Variants in PALLD observed in about 807,000 individuals in gnomAD.
The protein encoded by PALLD is palladin.
PALLD carries 61 observed loss-of-function variants against 123.5 expected under a neutral mutation model. The observed-to-expected ratio is 0.49, with a 90% confidence interval of 0.40 to 0.61. PALLD has a LOEUF of 0.61. PALLD is among the 20% of genes least tolerant of loss of function. The pLI is 0.00. For synonymous variants in PALLD, 465 were observed against 496.4 expected (o/e 0.94, Z 0.84); for missense variants, 1,273 against 1,377.0 (o/e 0.92, Z 1.20).
At chr4:168,624,415 T>C (rs535876659) in intron 2 of PALLD, among the ~76,000 whole-genome samples, 75 of 152,240 alleles carry the variant, frequency 4.9e-4, no homozygotes, top group Non-Finnish European at 7.5e-4. Flanking sequence ...CAAAAAAGCT[T>C]CTAAGAACAA....
intron 2 of PALLD, among the ~76,000 whole-genome samples, chr4:168,621,686 G>A (rs555931213): frequency 6.6e-6 from 1 of 152,164 alleles, no homozygotes; most frequent in Admixed American, 6.5e-5. Flanking sequence ...CGTAAGTGAT[G>A]AAAGGAATTT....
intron 10 of PALLD, among the ~76,000 whole-genome samples, chr4:168,865,624 C>T (rs1001693986): frequency 6.6e-6 from 1 of 152,066 alleles, no homozygotes; most frequent in Non-Finnish European, 1.5e-5. Context: ...TTTGAAAAGT[C>T]GTCTTTATAG....
intron 2 of PALLD, among the ~76,000 whole-genome samples, chr4:168,640,125 C>G (rs1475394953): frequency 1.3e-5 from 2 of 152,166 alleles, no homozygotes; most frequent in African/African-American, 4.8e-5. Context: ...GGCCAACTTT[C>G]ATGCTCGTGT....
intron 2 of PALLD, among the ~76,000 whole-genome samples, chr4:168,579,632 A>G (rs1770024606): frequency 6.6e-6 from 1 of 152,138 alleles, no homozygotes; most frequent in South Asian, 2.1e-4. Flanking sequence ...AATCATGTTT[A>G]TGCCCCTATT....
intron 10 of PALLD, among the ~76,000 whole-genome samples, chr4:168,735,288 C>A (rs963745624): frequency 6.6e-6 from 1 of 152,178 alleles, no homozygotes; most frequent in Non-Finnish European, 1.5e-5. Context: ...TTCTCGAGGT[C>A]CCGGCCCTCA....
At chr4:168,804,811 T>G (rs1739904463) in intron 10 of PALLD, among the ~76,000 whole-genome samples, 1 of 152,232 alleles carries the variant, frequency 6.6e-6, no homozygotes, top group Non-Finnish European at 1.5e-5. Context: ...AATGGGTAGA[T>G]GTATATTTTC....
At chr4:168,540,458 T>C (rs6852125) in intron 2 of PALLD, among the ~76,000 whole-genome samples, 87,602 of 151,914 alleles carry the variant, frequency 0.58, 25,601 homozygotes, top group East Asian at 0.69. Context: ...TTAGGGTTCA[T>C]GCTAATTATG....
chr4:168,607,565 G>A (rs939377912), intron 2 of PALLD, among the ~76,000 whole-genome samples: 9 of 152,170 alleles, frequency 5.9e-5, no homozygotes, highest in African/African-American at 1.9e-4. Flanking sequence ...GCCAGACACT[G>A]TTCTGAGTGC....
intron 10 of PALLD, among the ~76,000 whole-genome samples, chr4:168,853,454 G>A (rs1245598724): frequency 2.0e-5 from 3 of 152,168 alleles, no homozygotes; most frequent in Non-Finnish European, 2.9e-5. Flanking sequence ...TAAAAGACAT[G>A]TAAGGAGTGC....
intron 2 of PALLD, among the ~76,000 whole-genome samples, chr4:168,531,704 C>G (rs1203488820): frequency 6.6e-6 from 1 of 152,178 alleles, no homozygotes; most frequent in African/African-American, 2.4e-5. Context: ...GATGCTACTA[C>G]AGTGAAGATA....
At chr4:168,636,359 C>G (rs1471533736) in intron 2 of PALLD, among the ~76,000 whole-genome samples, 2 of 152,196 alleles carry the variant, frequency 1.3e-5, no homozygotes, top group Non-Finnish European at 2.9e-5. Flanking sequence ...GTGGTGGGTA[C>G]CTGTAGTCCT....
At position 168,918,531 on chromosome 4, in the gene PALLD, G is replaced by A. The variant is rs541546853; in HGVS notation, c.2850+2504G>A. ...GAATGGTGATTACCACGGGCTAGAC[G>A]GGGAGAGGGAAAGTTGGGGAAATGT... is the stretch of plus-strand genomic sequence containing the variant. On this transcript the variant is annotated intron_variant, in intron 17 of 21. Coordinates refer to ENST00000505667, the MANE Select transcript of PALLD (RefSeq NM_001166108.2). 3.0e-4 allele frequency among the ~76,000 whole-genome samples: 45 copies of A among 152,246 alleles called. No homozygotes were observed. In the East Asian group the frequency reaches 7.9e-3, roughly 27 times the overall value.
Position 168,685,792 on chromosome 4 carries a change from G to A in PALLD, c.1335+233G>A, listed in dbSNP as rs10021170. On this transcript the variant is annotated intron_variant, in intron 6 of 21. Coordinates refer to ENST00000505667, the MANE Select transcript of PALLD (RefSeq NM_001166108.2). ...ACTTGATAGAGCCTAAAATCTAGTG[G>A]GAAAGCCAAGACAGATAGAAAAAAA... Among the ~76,000 whole-genome samples the A allele has an allele frequency of 0.031, 4,298 of 139,014 alleles. 221 individuals are homozygous for A. The highest frequency in any genetic ancestry group is 0.11 in the African/African-American group (4,076 of 36,208). 91.2% of individuals were successfully genotyped at this position (139,014 alleles called of 152,430 possible).
intron 3 of PALLD, among the ~76,000 whole-genome samples, chr4:168,672,970 C>T (rs1029831933): frequency 1.3e-5 from 2 of 152,174 alleles, no homozygotes; most frequent in African/African-American, 4.8e-5. Context: ...CTCTACCCTA[C>T]AGCATAAAAT....
chr4:168,630,142 C>G (rs373752950), intron 2 of PALLD, among the ~76,000 whole-genome samples: 16 of 152,252 alleles, frequency 1.1e-4, no homozygotes, highest in East Asian at 7.7e-4. Flanking sequence ...TTCTAAGAAC[C>G]CTTGCTGGAG....
intron 2 of PALLD, among the ~76,000 whole-genome samples, chr4:168,659,553 C>T (rs897309683): frequency 6.6e-6 from 1 of 152,164 alleles, no homozygotes; most frequent in African/African-American, 2.4e-5. Flanking sequence ...TTCAACATAA[C>T]CTTGTTTCCC....
chr4:168,600,589 T>C (rs1772543278), intron 2 of PALLD, among the ~76,000 whole-genome samples: 1 of 152,166 alleles, frequency 6.6e-6, no homozygotes, highest in Non-Finnish European at 1.5e-5. Context: ...TTAATCACAA[T>C]CTGTGACCAG....
At chr4:168,642,483 T>C (rs1026589464) in intron 2 of PALLD, among the ~76,000 whole-genome samples, 13 of 152,098 alleles carry the variant, frequency 8.5e-5, no homozygotes, top group African/African-American at 2.9e-4. Flanking sequence ...CTTACTGCAA[T>C]CTCTGCCTCC....
rs13104562 is a variant in PALLD, at chr4:168,590,876, T to G, written c.909-77314T>G. The stretch of plus-strand genomic sequence containing the variant: ...GGGGACCTAGAAAGTTTTTTTTTTT[T>G]TTTTTTTTTTTTTTTTTTTTGAGAG... On this transcript the variant is annotated intron_variant, in intron 2 of 21. Transcript: ENST00000505667. Among the ~76,000 whole-genome samples the G allele has an allele frequency of 2.1e-4, 28 of 136,502 alleles. No individual in the cohort carries two copies. In the East Asian group the frequency reaches 2.9e-3, roughly 14 times the overall value. 89.6% of individuals were successfully genotyped at this position (136,502 alleles called of 152,430 possible). A position where few individuals can be genotyped will look rare whatever the true frequency, so the allele number is the denominator to read the frequency against.
Sources: allele counts gnomAD v4.1 joint callset (sites outside exome capture counted in the v4.1 genomes callset), GRCh38; gene constraint gnomAD v4.1.1; transcripts MANE v1.5; gene names NCBI Gene and HGNC (gene_info 2026-07-23, HGNC 2026-07-21).